Variants in CCDC91 observed in about 807,000 individuals in gnomAD.
CCDC91 encodes coiled-coil domain containing 91, also known as coiled-coil domain-containing protein 91.
Under a neutral mutation model 63.2 loss-of-function variants are expected in CCDC91, and 48 were observed. That is an observed-to-expected ratio of 0.76 (90% CI 0.60 to 0.97). The LOEUF is 0.97. Among genes scored for constraint, CCDC91 ranks in the 50% least tolerant of loss-of-function variants. The probability of loss-of-function intolerance (pLI) is 0.00; values close to 1 mark genes in which losing one functional copy is unlikely to be tolerated. For synonymous variants in CCDC91, 167 were observed against 165.8 expected, an observed-to-expected ratio of 1.01 and a Z score of -0.06; for missense variants, 500 against 494.6, an observed-to-expected ratio of 1.01 and a Z score of -0.10.
intron 8 of CCDC91, among the ~76,000 whole-genome samples, chr12:28,400,171 C>T (rs1946528705): frequency 6.6e-6 from 1 of 152,164 alleles, no homozygotes; most frequent in Non-Finnish European, 1.5e-5. Context: ...GGTGGAAGTT[C>T]CCAAACCTCG....
rs541649278 is a variant in CCDC91, at chr12:28,353,475, G to C, written c.577-8963G>C. 6.6e-5 allele frequency among the ~76,000 whole-genome samples: 10 copies of C among 152,136 alleles called. No individual in the cohort carries two copies. The South Asian group carries it at 2.1e-3, about 32-fold the overall frequency. On this transcript the variant is annotated intron_variant, in intron 6 of 12. Coordinates refer to ENST00000536442, the MANE Select transcript of CCDC91 (RefSeq NM_018318.5). ...CTTTTCATATGCCTTCCTCACTAAG[G>C]TTAATTATTTCTAGCTTTTGATTTA... is the stretch of plus-strand genomic sequence containing the variant.
chr12:28,356,254 C>T (rs965895271), intron 6 of CCDC91, among the ~76,000 whole-genome samples: 3 of 152,072 alleles, frequency 2.0e-5, no homozygotes, highest in African/African-American at 7.2e-5. Context: ...GATTATGGCT[C>T]CTTTAGGAAA....
chr12:28,384,837 G>C (rs1197048553), intron 7 of CCDC91, among the ~76,000 whole-genome samples: 1 of 152,028 alleles, frequency 6.6e-6, no homozygotes, highest in African/African-American at 2.4e-5. Context: ...ATAGATGAAT[G>C]ATTCTGTAAA....
At chr12:28,284,375 G>A (rs141102745) in intron 3 of CCDC91, among the ~76,000 whole-genome samples, 164 of 152,038 alleles carry the variant, frequency 1.1e-3, no homozygotes, top group African/African-American at 3.7e-3. Context: ...ATTGTTGGCC[G>A]GGCATAGTGG....
chr12:28,503,331 A>T (rs1592874847), intron 12 of CCDC91, among the ~76,000 whole-genome samples: 2 of 152,358 alleles, frequency 1.3e-5, no homozygotes, highest in South Asian at 2.1e-4. Context: ...AACACATGAA[A>T]AAATGCTCAC....
At chr12:28,505,728 A>G (rs747876729) in intron 12 of CCDC91, among the ~76,000 whole-genome samples, 16 of 151,962 alleles carry the variant, frequency 1.1e-4, no homozygotes, top group Admixed American at 9.2e-4. Flanking sequence ...AAATAATGAA[A>G]GCTTCTGTAT....
chr12:28,414,448 T>C (rs1592602456), intron 8 of CCDC91, among the ~76,000 whole-genome samples: 1 of 152,140 alleles, frequency 6.6e-6, no homozygotes. Context: ...TATTCAAAAA[T>C]ATAATTGAAA....
chr12:28,466,569 A>G (rs1950560805), intron 11 of CCDC91, among the ~76,000 whole-genome samples: 1 of 152,132 alleles, frequency 6.6e-6, no homozygotes, highest in African/African-American at 2.4e-5. Flanking sequence ...GGCATATTTA[A>G]AGTGCTGAAG....
intron 6 of CCDC91, among the ~76,000 whole-genome samples, chr12:28,333,292 G>A (rs1175235090): frequency 6.6e-6 from 1 of 151,750 alleles, no homozygotes; most frequent in Non-Finnish European, 1.5e-5. Context: ...CTGCTCGGGA[G>A]GCTGAGGCAG....
chr12:28,546,173 ATTGT>A (rs1461838230), intron 12 of CCDC91, among the ~76,000 whole-genome samples: 5 of 151,966 alleles, frequency 3.3e-5, no homozygotes, highest in Admixed American at 3.3e-4. Flanking sequence ...TTTTTATTGC[ATTGT>A]TTACTTACCT....
intron 11 of CCDC91, among the ~76,000 whole-genome samples, chr12:28,475,013 T>G (rs1193309159): frequency 1.3e-5 from 2 of 152,100 alleles, no homozygotes; most frequent in Non-Finnish European, 2.9e-5. Flanking sequence ...GACGTCACCA[T>G]TATTGATAAT....
chr12:28,298,593 TAA>T (rs1265674907), intron 3 of CCDC91, among the ~76,000 whole-genome samples: 2 of 151,234 alleles, frequency 1.3e-5, no homozygotes, highest in Non-Finnish European at 3.0e-5. Context: ...TATTTAAAAA[TAA>T]CACACCTGAA....
intron 12 of CCDC91, among the ~76,000 whole-genome samples, chr12:28,512,588 A>G (rs1003887863): frequency 2.6e-5 from 4 of 151,862 alleles, no homozygotes; most frequent in African/African-American, 9.7e-5. Flanking sequence ...TTATTTACGT[A>G]TTATTTATGG....
chr12:28,368,633 TGTTA>T (rs1014831364), intron 7 of CCDC91, among the ~76,000 whole-genome samples: 21 of 152,364 alleles, frequency 1.4e-4, no homozygotes, highest in African/African-American at 5.1e-4. Flanking sequence ...TTGGATATTT[TGTTA>T]GTTACATATC....
intron 1 of CCDC91, among the ~76,000 whole-genome samples, chr12:28,206,325 CCAGTCT>C (rs1477145192): frequency 1.3e-5 from 2 of 152,156 alleles, no homozygotes; most frequent in African/African-American, 4.8e-5. Flanking sequence ...ATTTGGGTTT[CCAGTCT>C]CAGCATGTCA....
intron 8 of CCDC91, among the ~76,000 whole-genome samples, chr12:28,400,009 G>C (rs1022717198): frequency 6.6e-6 from 1 of 152,180 alleles, no homozygotes; most frequent in Non-Finnish European, 1.5e-5. Flanking sequence ...AGTTCTACTA[G>C]GCAGTACCTC....
intron 1 of CCDC91, among the ~76,000 whole-genome samples, chr12:28,231,369 G>A (rs1944587065): frequency 6.6e-6 from 1 of 152,142 alleles, no homozygotes; most frequent in South Asian, 2.1e-4. Flanking sequence ...CATACATTTG[G>A]TTTCTTAATT....
In CCDC91 at chr12:28,428,245, A is replaced by G. The variant is rs1291773861; in HGVS notation, c.763-21916A>G. 2.6e-5 allele frequency among the ~76,000 whole-genome samples: 4 copies of G among 152,226 alleles called. No homozygotes were observed. In the Middle Eastern group the frequency reaches 0.01, roughly 388 times the overall value. ...GTATATTGTATAATAGATATTTTAT[A>G]TGAGTGTAGAAAACAAAATATTCTG... On this transcript the variant is annotated intron_variant, in intron 8 of 12. Coordinates refer to ENST00000536442, the MANE Select transcript of CCDC91 (RefSeq NM_018318.5).
intron 1 of CCDC91, among the ~76,000 whole-genome samples, chr12:28,207,712 C>T (rs765255834): frequency 2.0e-5 from 3 of 152,072 alleles, no homozygotes; most frequent in Non-Finnish European, 4.4e-5. Context: ...TATAAGTCAC[C>T]ACATCAATAT....
Sources: allele counts gnomAD v4.1 joint callset (sites outside exome capture counted in the v4.1 genomes callset), GRCh38; gene constraint gnomAD v4.1.1; transcripts MANE v1.5; gene names NCBI Gene and HGNC (gene_info 2026-07-23, HGNC 2026-07-21).